The following PTGER2 variants were observed in gnomAD, a reference collection of about 807,000 sequenced individuals.
PTGER2 encodes prostaglandin E2 receptor EP2 subtype.
PTGER2 carries 22 observed loss-of-function variants against 26.2 expected under a neutral mutation model. The ratio of observed to expected loss-of-function variants is 0.84; its 90% CI spans 0.60 to 1.20. The LOEUF (loss-of-function observed/expected upper bound fraction) is 1.20, where lower values mean the gene tolerates loss of function less well. PTGER2 is among the 50% of genes most tolerant of loss of function. PTGER2 has a pLI of 0.00. For synonymous variants in PTGER2, 219 were observed against 208.9 expected, an observed-to-expected ratio of 1.05 and a Z score of -0.42; for missense variants, 458 against 475.2, an observed-to-expected ratio of 0.96 and a Z score of 0.34.
chr14:52,327,180 G>A (rs377531100), intron 1 of PTGER2, 41 bp from the exon 2 acceptor site: 57 of 1,405,318 alleles, frequency 4.1e-5, no homozygotes, highest in Admixed American at 2.6e-4. Flanking sequence ...CTACTGCTAC[G>A]ATGTAAAACT....
intron 1 of PTGER2, among the ~76,000 whole-genome samples, chr14:52,325,422 G>T (rs1302738527): frequency 6.6e-6 from 1 of 152,200 alleles, no homozygotes. Context: ...GGCCAATTCA[G>T]TGTGAATATG....
At chr14:52,317,651 A>G (rs1254597) in intron 1 of PTGER2, among the ~76,000 whole-genome samples, 142,910 of 152,036 alleles carry the variant, frequency 0.94, 67,574 homozygotes, top group Non-Finnish European at 1. Flanking sequence ...GCTTAGGGGG[A>G]GCCAGATGGA....
chr14:52,315,445 C>G lies in PTGER2; in HGVS notation c.843+54C>G, dbSNP rs956864946. 8.1e-6 allele frequency: 13 copies of G among 1,598,318 alleles called. No homozygotes were observed. The African/African-American group carries it at 1.7e-4, about 21-fold the overall frequency. The stretch of plus-strand genomic sequence containing the variant: ...CGGCTCTGCTCAGCCTTCTCATGCT[C>G]TCCCCTGACGCCTCCACCCTTTCCA... On this transcript the variant is annotated intron_variant, in intron 1 of 1. Coordinates refer to ENST00000245457, the MANE Select transcript of PTGER2 (RefSeq NM_000956.4).
At chr14:52,318,944 G>A (rs2033868587) in intron 1 of PTGER2, among the ~76,000 whole-genome samples, 1 of 152,196 alleles carries the variant, frequency 6.6e-6, no homozygotes, top group African/African-American at 2.4e-5. Context: ...GTAGGAAATA[G>A]TATGATGATT....
intron 1 of PTGER2, among the ~76,000 whole-genome samples, chr14:52,324,633 T>C (rs2140039802): frequency 1.3e-5 from 2 of 152,304 alleles, no homozygotes; most frequent in East Asian, 3.9e-4. Context: ...ACAATGTAAA[T>C]GTATTTAATG....
At chr14:52,326,169 G>A (rs1191991219) in intron 1 of PTGER2, among the ~76,000 whole-genome samples, 1 of 152,184 alleles carries the variant, frequency 6.6e-6, no homozygotes, top group Non-Finnish European at 1.5e-5. Context: ...GAAATCGTTT[G>A]AGGGCTGGTA....
chr14:52,321,000 T>C (rs2033889044), intron 1 of PTGER2, among the ~76,000 whole-genome samples: 1 of 152,204 alleles, frequency 6.6e-6, no homozygotes, highest in Non-Finnish European at 1.5e-5. Flanking sequence ...GTTCATAGTG[T>C]CCATCAGTTT....
Position 52,327,299 on chromosome 14 carries a change from T to G in PTGER2, c.922T>G (p.Ser308Ala). Residue 308 changes from serine (S) to alanine (A), a missense_variant, in exon 2 of 2, where the codon TCA becomes GCA. By Grantham distance (99) the Ser-to-Ala change is moderately conservative. Transcript: ENST00000245457. ...LQALRFLSIN[S>A]IIDPWVFAIL... ...AGCTCTTAGGTTTTTATCAATTAAT[T>G]CAATAATTGACCCTTGGGTCTTTGC... is the stretch of plus-strand genomic sequence containing the variant. The G allele has an allele frequency of 2.5e-6, 4 of 1,613,262 alleles. No homozygotes were observed. The highest frequency in any genetic ancestry group is 3.4e-6 in the Non-Finnish European group (4 of 1,179,300).
At chr14:52,319,192 T>TA (rs1229906349) in intron 1 of PTGER2, among the ~76,000 whole-genome samples, 1 of 152,208 alleles carries the variant, frequency 6.6e-6, no homozygotes, top group Non-Finnish European at 1.5e-5. Flanking sequence ...TCCAACTAGT[T>TA]AGCTTTAAAA....
chr14:52,315,314 A>C lies in PTGER2; in HGVS notation c.766A>C (p.Met256Leu). Residue 256 changes from methionine (M) to leucine (L), a missense_variant, in exon 1 of 2, where the codon ATG becomes CTG. By Grantham distance (15) the Met-to-Leu change is conservative (BLOSUM62 2). Transcript: ENST00000245457. ...CCGCAGGAGAGGGGAAAGGGTGTCC[A>C]TGGCGGAGGAGACGGACCACCTCAT... Reference protein sequence around the residue: ...GARRRGERVSMAEETDHLILL... With the variant: ...GARRRGERVSLAEETDHLILL... The C allele has an allele frequency of 1.2e-6, 2 of 1,613,246 alleles. No individual in the cohort carries two copies. The highest frequency in any genetic ancestry group is 1.1e-5 in the South Asian group (1 of 91,032).
intron 1 of PTGER2, among the ~76,000 whole-genome samples, chr14:52,316,660 G>A (rs1439415227): frequency 3.3e-5 from 5 of 152,094 alleles, no homozygotes; most frequent in Admixed American, 6.5e-5. Context: ...TCATCCTCAG[G>A]GATGGGAAGG....
chr14:52,315,184 C>T lies in PTGER2; in HGVS notation c.636C>T (p.Leu212=), dbSNP rs1308911906. The change falls in exon 1 of 2, where the codon CTC becomes CTT. Residue 212 remains leucine, a synonymous_variant. Transcript: ENST00000245457. ...TGCTGCTTCTCATTGTCTCGGTGCT[C>T]GCCTGCAACTTCAGTGTCATTCTCA... is the stretch of plus-strand genomic sequence containing the variant. ...TLLLLLIVSV[L]ACNFSVILNL... is the part of the protein sequence containing the mutation. 3 of 1,608,758 alleles carry T rather than the reference C, an allele frequency of 1.9e-6. No homozygotes were observed. The South Asian group carries it at 3.3e-5, about 18-fold the overall frequency.
At position 52,327,824 on chromosome 14, in the gene PTGER2, G is replaced by A. The variant is rs1029146244; in HGVS notation, c.*370G>A. The A allele has an allele frequency of 4.6e-5, 9 of 197,368 alleles. No individual in the cohort carries two copies. The highest frequency in any genetic ancestry group is 1.1e-4 in the Admixed American group (2 of 18,442). 12.2% of individuals were successfully genotyped at this position (197,368 alleles called of 1,614,324 possible). On this transcript the variant is annotated 3_prime_UTR_variant, in exon 2 of 2. Coordinates refer to ENST00000245457, the MANE Select transcript of PTGER2 (RefSeq NM_000956.4). ...TTTCTATTTTAATCTTGCTACTACC[G>A]TTATACACATATAGTGTACAGCCAG... is the stretch of plus-strand genomic sequence containing the variant.
chr14:52,319,558 T>G (rs2033874775), intron 1 of PTGER2, among the ~76,000 whole-genome samples: 1 of 152,238 alleles, frequency 6.6e-6, no homozygotes, highest in African/African-American at 2.4e-5. Context: ...TTCCTCCTTA[T>G]GTTAATCAGC....
chr14:52,322,426 GATCACAAGGCAAAGGGCAAAAGCAA>G (rs1220641795), intron 1 of PTGER2, among the ~76,000 whole-genome samples: 14 of 152,224 alleles, frequency 9.2e-5, no homozygotes, highest in East Asian at 3.9e-4. Flanking sequence ...GTCCAACAAA[GATCACAAGGCAAAGGGCAAAAGCAA>G]AGATCACAAG....
At position 52,322,268 on chromosome 14, in the gene PTGER2, C is replaced by T. The variant is rs574374361; in HGVS notation, c.844-4953C>T. Among the ~76,000 whole-genome samples, 22 of 150,216 alleles carry T rather than the reference C, an allele frequency of 1.5e-4. 1 individual carries two copies. In the South Asian group the frequency reaches 2.1e-3, roughly 14 times the overall value. On this transcript the variant is annotated intron_variant, in intron 1 of 1. Transcript: ENST00000245457. ...GCCCACCTGAGCTGCAAAATCAGCA[C>T]GTTTTTATTAAGGATTTCAAAAGGG...
chr14:52,320,764 C>T (rs1368657774), intron 1 of PTGER2, among the ~76,000 whole-genome samples: 2 of 152,148 alleles, frequency 1.3e-5, no homozygotes, highest in African/African-American at 2.4e-5. Flanking sequence ...CTGCCTAAAA[C>T]TGCCCCTAAC....
At position 52,315,002 on chromosome 14, in the gene PTGER2, G is replaced by A. The variant is rs1167346953; in HGVS notation, c.454G>A (p.Gly152Arg). ...CTACCAGCGCCGCGTCTCGCGCTCC[G>A]GGGGCCTGGCCGTGCTGCCTGTCAT... Reference protein sequence around the residue: ...YFYQRRVSRSGGLAVLPVIYA... With the variant: ...YFYQRRVSRSRGLAVLPVIYA... The change falls in exon 1 of 2, where the codon GGG becomes AGG. Residue 152 changes from glycine to arginine, a missense_variant. By Grantham distance (125) the Gly-to-Arg change is moderately radical. Coordinates refer to ENST00000245457, the MANE Select transcript of PTGER2 (RefSeq NM_000956.4). 5 of 1,613,052 alleles carry A rather than the reference G, an allele frequency of 3.1e-6. No homozygotes were observed. Among genetic ancestry groups the A allele is most frequent in the Admixed American group, 1.7e-5 (1 of 59,996 alleles).
intron 1 of PTGER2, among the ~76,000 whole-genome samples, chr14:52,320,989 G>A (rs1454161864): frequency 2.0e-5 from 3 of 152,162 alleles, no homozygotes; most frequent in Non-Finnish European, 4.4e-5. Flanking sequence ...GTGGGTAGAT[G>A]GTTCATAGTG....
Sources: allele counts gnomAD v4.1 joint callset (sites outside exome capture counted in the v4.1 genomes callset), GRCh38; gene constraint gnomAD v4.1.1; transcripts MANE v1.5; gene names NCBI Gene and HGNC (gene_info 2026-07-23, HGNC 2026-07-21).